Variants in CHCHD3 observed in about 807,000 individuals in gnomAD.
The protein encoded by CHCHD3 is MICOS complex subunit MIC19.
A neutral mutation model predicts 38.2 loss-of-function variants in CHCHD3; 20 were observed. The ratio of observed to expected loss-of-function variants is 0.52; its 90% CI spans 0.37 to 0.76. The LOEUF is 0.76. Among genes scored for constraint, CHCHD3 ranks in the 30% least tolerant of loss-of-function variants. The pLI is 0.00. For missense variants in CHCHD3, 245 were observed against 279.2 expected, an observed-to-expected ratio of 0.88 and a Z score of 0.87; for synonymous variants, 82 against 100.0, an observed-to-expected ratio of 0.82 and a Z score of 1.07.
intron 6 of CHCHD3, among the ~76,000 whole-genome samples, chr7:132,821,747 C>CTTTTTTTT (rs71178063): frequency 2.0e-5 from 2 of 100,288 alleles, no homozygotes; most frequent in Non-Finnish European, 3.8e-5. Flanking sequence ...GCACTCAAAT[C>CTTTTTTTT]TTTTTTTTTT....
intron 4 of CHCHD3, among the ~76,000 whole-genome samples, chr7:132,962,707 C>T (rs990249996): frequency 1.3e-5 from 2 of 152,136 alleles, no homozygotes; most frequent in Admixed American, 1.3e-4. Context: ...CTCAATTCAC[C>T]CACAATATAG....
intron 5 of CHCHD3, among the ~76,000 whole-genome samples, chr7:132,873,261 A>T (rs1808809790): frequency 6.6e-6 from 1 of 152,128 alleles, no homozygotes; most frequent in Non-Finnish European, 1.5e-5. Context: ...TCCCAGGTCA[A>T]GTTACTCAAT....
At chr7:133,040,475 G>A (rs1813803605) in intron 2 of CHCHD3, among the ~76,000 whole-genome samples, 2 of 151,964 alleles carry the variant, frequency 1.3e-5, no homozygotes, top group African/African-American at 4.8e-5. Flanking sequence ...TTGAGAACTG[G>A]GGCTGCAACA....
chr7:132,974,237 A>AT (rs1668776694), intron 4 of CHCHD3, among the ~76,000 whole-genome samples: 1 of 152,242 alleles, frequency 6.6e-6, no homozygotes, highest in Admixed American at 6.5e-5. Flanking sequence ...ACACTGGTGT[A>AT]AACCATGGTT....
intron 4 of CHCHD3, among the ~76,000 whole-genome samples, chr7:132,903,077 A>G (rs1809709929): frequency 2.6e-5 from 4 of 152,222 alleles, no homozygotes; most frequent in Admixed American, 2.6e-4. Context: ...CTCACTGCAC[A>G]GCAATGTGAA....
intron 5 of CHCHD3, among the ~76,000 whole-genome samples, chr7:132,865,275 C>T (rs1441114423): frequency 2.6e-5 from 4 of 152,208 alleles, no homozygotes; most frequent in African/African-American, 7.2e-5. Flanking sequence ...AGACTGTCCA[C>T]AGTAGAGAAA....
Position 133,010,885 on chromosome 7 carries a change from T to C in CHCHD3, c.251+13661A>G, listed in dbSNP as rs114885873. 2.1e-3 allele frequency among the ~76,000 whole-genome samples: 327 copies of C among 152,228 alleles called. 2 individuals carry two copies. Among genetic ancestry groups the C allele is most frequent in the African/African-American group, 7.6e-3 (315 of 41,542 alleles). ...TGCCCAGCCCTCATAAACTTTTATA[T>C]TCCAGTGCAGGAGACAGACAAGAAA... On this transcript the variant is annotated intron_variant, in intron 3 of 7. Transcript: ENST00000262570.
At chr7:132,998,153 C>G (rs889763569) in intron 3 of CHCHD3, among the ~76,000 whole-genome samples, 1 of 152,120 alleles carries the variant, frequency 6.6e-6, no homozygotes, top group Admixed American at 6.5e-5. Context: ...GTATGTGATG[C>G]AGTCTGTCAT....
chr7:132,855,201 G>T (rs1808317164), intron 5 of CHCHD3, among the ~76,000 whole-genome samples: 1 of 152,188 alleles, frequency 6.6e-6, no homozygotes, highest in Non-Finnish European at 1.5e-5. Flanking sequence ...TCAGTACAAA[G>T]CAGTAGATGG....
intron 2 of CHCHD3, among the ~76,000 whole-genome samples, chr7:133,066,790 C>T: frequency 6.6e-6 from 1 of 152,134 alleles, no homozygotes; most frequent in African/African-American, 2.4e-5. Flanking sequence ...AGAGAGAAAA[C>T]ATTTTCTCTC....
chr7:132,874,624 G>A (rs1029903223), intron 5 of CHCHD3, among the ~76,000 whole-genome samples: 11 of 152,082 alleles, frequency 7.2e-5, no homozygotes, highest in African/African-American at 2.4e-4. Flanking sequence ...TGAAACCTGC[G>A]CCTGGTTCTT....
chr7:132,956,514 C>T (rs1258628633), intron 4 of CHCHD3, among the ~76,000 whole-genome samples: 1 of 152,168 alleles, frequency 6.6e-6, no homozygotes, highest in Non-Finnish European at 1.5e-5. Context: ...TTATGACAGG[C>T]AAGTCAAGTT....
At chr7:132,819,375 A>G (rs1418534226) in intron 6 of CHCHD3, among the ~76,000 whole-genome samples, 1 of 152,252 alleles carries the variant, frequency 6.6e-6, no homozygotes, top group African/African-American at 2.4e-5. Flanking sequence ...TGTAGTTTAA[A>G]TGCACACACA....
intron 1 of CHCHD3, among the ~76,000 whole-genome samples, chr7:133,072,414 A>C (rs1814850189): frequency 6.6e-6 from 1 of 152,134 alleles, no homozygotes; most frequent in Non-Finnish European, 1.5e-5. Context: ...CAGGCCTATG[A>C]GATAGATACT....
chr7:132,913,893 G>C (rs138343011), intron 4 of CHCHD3, among the ~76,000 whole-genome samples: 2 of 152,024 alleles, frequency 1.3e-5, no homozygotes, highest in African/African-American at 4.8e-5. Flanking sequence ...TTCGGAGCCA[G>C]GTATTTCAAG....
chr7:133,062,637 C>T (rs1024864859), intron 2 of CHCHD3, among the ~76,000 whole-genome samples: 2 of 152,138 alleles, frequency 1.3e-5, no homozygotes, highest in African/African-American at 2.4e-5. Flanking sequence ...TTTAAAACAG[C>T]GTCTTTTTTC....
chr7:132,869,038 A>T (rs1808700867), intron 5 of CHCHD3, among the ~76,000 whole-genome samples: 1 of 152,190 alleles, frequency 6.6e-6, no homozygotes, highest in Non-Finnish European at 1.5e-5. Context: ...GCATCACGAA[A>T]AAGCAAATCC....
At chr7:132,992,414 TC>T (rs1234083447) in intron 3 of CHCHD3, among the ~76,000 whole-genome samples, 1 of 152,128 alleles carries the variant, frequency 6.6e-6, no homozygotes, top group Non-Finnish European at 1.5e-5. Context: ...CTGAGCTACA[TC>T]CCACAGAGCC....
intron 2 of CHCHD3, chr7:133,034,772 G>A (rs769764552): frequency 6.2e-7 from 1 of 1,613,526 alleles, no homozygotes; most frequent in South Asian, 1.1e-5. Context: ...TCAGCGGAAA[G>A]GCAAGCTCCT....
Sources: gnomAD v4.1 joint callset for allele counts (sites outside exome capture counted in the v4.1 genomes callset) on GRCh38, gnomAD v4.1.1 for gene constraint, MANE v1.5 for transcripts, NCBI Gene and HGNC (gene_info 2026-07-23, HGNC 2026-07-21) for gene names.